The following SCAI variants were observed in gnomAD, a reference collection of about 807,000 sequenced individuals.
The protein encoded by SCAI is protein SCAI.
Under a neutral mutation model 92.2 loss-of-function variants are expected in SCAI, and 24 were observed. The ratio of observed to expected loss-of-function variants is 0.26; its 90% CI spans 0.19 to 0.37. The LOEUF (loss-of-function observed/expected upper bound fraction) is 0.37. SCAI is among the 10% of genes least tolerant of loss of function. SCAI has a pLI of 1.00. For synonymous variants in SCAI, 261 were observed against 258.6 expected, an observed-to-expected ratio of 1.01 and a Z score of -0.09; for missense variants, 450 against 736.2, an observed-to-expected ratio of 0.61 and a Z score of 4.50.
intron 13 of SCAI, among the ~76,000 whole-genome samples, chr9:124,997,650 C>T (rs891209871): frequency 1.3e-5 from 2 of 151,710 alleles, no homozygotes; most frequent in Admixed American, 6.6e-5. Context: ...CCAAAGCAGG[C>T]GGATCACTTG....
intron 2 of SCAI, among the ~76,000 whole-genome samples, chr9:125,076,256 T>C (rs1834087900): frequency 6.6e-6 from 1 of 151,474 alleles, no homozygotes; most frequent in South Asian, 2.1e-4. Context: ...CCCAGCACTT[T>C]GGGAGGCCGA....
intron 9 of SCAI, among the ~76,000 whole-genome samples, chr9:125,018,525 G>GACATTCT (rs1832807839): frequency 1.3e-5 from 2 of 152,138 alleles, no homozygotes; most frequent in South Asian, 4.1e-4. Context: ...CATACATATA[G>GACATTCT]ACATTCTAAC....
At chr9:125,012,912 C>A (rs1832669928) in intron 9 of SCAI, among the ~76,000 whole-genome samples, 1 of 151,118 alleles carries the variant, frequency 6.6e-6, no homozygotes, top group East Asian at 1.9e-4. Flanking sequence ...AACTGAACAA[C>A]CTGCTCCTGA....
rs1298377707 is a variant in SCAI, at chr9:125,091,912, C to G, written c.99-35905G>C. On this transcript the variant is annotated intron_variant, in intron 2 of 17. Coordinates refer to ENST00000336505, the MANE Select transcript of SCAI (RefSeq NM_001144877.3). The surrounding 1 kb of genome is among the most constrained non-coding windows in gnomAD (Gnocchi z 4.3). The stretch of plus-strand genomic sequence containing the variant: ...AGATCACGAGGTCAGGAGATCGAGA[C>G]CATCCTGGCTAACACGATGAAACCC... Among the ~76,000 whole-genome samples, 1 of 151,918 alleles carries G rather than the reference C, an allele frequency of 6.6e-6. No individual in the cohort carries two copies. Among genetic ancestry groups the G allele is most frequent in the Non-Finnish European group, 1.5e-5 (1 of 67,984 alleles).
intron 17 of SCAI, among the ~76,000 whole-genome samples, chr9:124,961,448 G>A (rs951390991): frequency 2.3e-4 from 35 of 151,870 alleles, no homozygotes; most frequent in African/African-American, 8.5e-4. Flanking sequence ...CCAGGAGTTC[G>A]AGACCAGCCT....
At chr9:125,095,986 C>A (rs1834543965) in intron 2 of SCAI, among the ~76,000 whole-genome samples, 1 of 152,192 alleles carries the variant, frequency 6.6e-6, no homozygotes, top group African/African-American at 2.4e-5. Flanking sequence ...TTCCTCCCAA[C>A]CCTGTGCTCT....
At chr9:125,072,669 C>A (rs1834001774) in intron 2 of SCAI, among the ~76,000 whole-genome samples, 1 of 152,082 alleles carries the variant, frequency 6.6e-6, no homozygotes, top group African/African-American at 2.4e-5. Context: ...AATTCTATAC[C>A]CACTACTTAA....
chr9:125,060,679 G>A (rs955575026), intron 2 of SCAI, among the ~76,000 whole-genome samples: 4 of 152,094 alleles, frequency 2.6e-5, no homozygotes, highest in African/African-American at 7.2e-5. Flanking sequence ...AGGGGTGTCC[G>A]CTTTTGCTTC....
At chr9:124,968,943 G>GAA in intron 17 of SCAI, 7 of 325,512 alleles carry the variant, frequency 2.2e-5, no homozygotes, top group South Asian at 9.2e-5. Flanking sequence ...TTTATTTTTT[G>GAA]GAAAAAAAAA....
intron 15 of SCAI, 137 bp downstream of exon 15, chr9:124,975,977 A>G: frequency 3.6e-6 from 2 of 555,932 alleles, no homozygotes; most frequent in East Asian, 5.6e-5. Flanking sequence ...TATATTTCAG[A>G]GCGACACCTG....
intron 2 of SCAI, among the ~76,000 whole-genome samples, chr9:125,128,007 CA>C (rs371348694): frequency 1.1e-3 from 151 of 134,386 alleles, no homozygotes; most frequent in Admixed American, 1.0e-3. Context: ...GACTGCATCT[CA>C]AAAAAAAAAA....
intron 2 of SCAI, among the ~76,000 whole-genome samples, chr9:125,076,488 G>A (rs1834092840): frequency 6.6e-6 from 1 of 152,086 alleles, no homozygotes; most frequent in Admixed American, 6.6e-5. Context: ...CACAGAGGGA[G>A]TGAGAAGCCA....
chr9:124,998,357 G>T (rs1832287846), intron 13 of SCAI, among the ~76,000 whole-genome samples: 1 of 152,078 alleles, frequency 6.6e-6, no homozygotes, highest in Non-Finnish European at 1.5e-5. Context: ...GGAGGCTGAG[G>T]TAGGAGAATC....
At chr9:124,960,893 G>A (rs925056782) in intron 17 of SCAI, among the ~76,000 whole-genome samples, 9 of 152,150 alleles carry the variant, frequency 5.9e-5, no homozygotes, top group African/African-American at 2.2e-4. Flanking sequence ...AAGGTGGGAG[G>A]ATTGCTTGAG....
At chr9:125,108,068 G>C (rs1007847401) in intron 2 of SCAI, among the ~76,000 whole-genome samples, 3 of 152,252 alleles carry the variant, frequency 2.0e-5, no homozygotes, top group East Asian at 1.9e-4. Flanking sequence ...TCCTAACCGC[G>C]AGTGATCTGC....
intron 4 of SCAI, 21 bp downstream of exon 4, chr9:125,029,623 T>G: frequency 6.5e-7 from 1 of 1,528,764 alleles, no homozygotes; most frequent in Non-Finnish European, 9.1e-7. Context: ...TCACTCTCCT[T>G]TAACTATAAA....
intron 2 of SCAI, among the ~76,000 whole-genome samples, chr9:125,135,646 C>A (rs1380846179): frequency 6.7e-6 from 1 of 149,334 alleles, no homozygotes; most frequent in African/African-American, 2.5e-5. Context: ...GAGTGAGACT[C>A]CATCTCAAAA....
chr9:125,128,977 C>T (rs986518368), intron 2 of SCAI, among the ~76,000 whole-genome samples: 2 of 151,802 alleles, frequency 1.3e-5, no homozygotes, highest in South Asian at 4.2e-4. Context: ...GCAGGAGAAT[C>T]GCTTGAATCC....
chr9:125,069,598 G>A (rs981171335), intron 2 of SCAI, among the ~76,000 whole-genome samples: 19 of 148,060 alleles, frequency 1.3e-4, no homozygotes, highest in Non-Finnish European at 2.4e-4. Context: ...GATTACAGGC[G>A]TCAGCCATTG....
Sources: gnomAD v4.1 joint callset for allele counts (sites outside exome capture counted in the v4.1 genomes callset) on GRCh38, gnomAD v4.1.1 for gene constraint, Gnocchi (gnomAD v3.1) non-coding constraint, MANE v1.5 for transcripts, NCBI Gene and HGNC (gene_info 2026-07-23, HGNC 2026-07-21) for gene names.